Variants in ADAMTS2 observed in about 807,000 individuals in gnomAD.
ADAMTS2 encodes the protein ADAM metallopeptidase with thrombospondin type 1 motif 2.
ADAMTS2 carries 50 observed loss-of-function variants against 123.0 expected under a neutral mutation model. That is an observed-to-expected ratio of 0.41 (90% CI 0.32 to 0.51). The LOEUF is 0.51. Among genes scored for constraint, ADAMTS2 ranks in the 20% least tolerant of loss-of-function variants. The pLI is 0.35. For missense variants in ADAMTS2, 1,494 were observed against 1,705.2 expected, an observed-to-expected ratio of 0.88 and a Z score of 2.18; for synonymous variants, 678 against 695.4, an observed-to-expected ratio of 0.98 and a Z score of 0.39.
At chr5:179,203,882 CAG>C (rs1764620168) in intron 4 of ADAMTS2, among the ~76,000 whole-genome samples, 1 of 135,542 alleles carries the variant, frequency 7.4e-6, no homozygotes, top group Non-Finnish European at 1.6e-5. Flanking sequence ...GAACGGAAAA[CAG>C]AGTCTGGAAC....
In ADAMTS2 at chr5:179,238,791, G is replaced by A. The variant is rs573263446; in HGVS notation, c.689-31076C>T. The stretch of plus-strand genomic sequence containing the variant: ...CTGGGTGCTGACTTCTGAGCTGAAC[G>A]AAGCAGGAGCCACTGTGGGATTTCC... On this transcript the variant is annotated intron_variant, in intron 3 of 21. Coordinates refer to ENST00000251582, the MANE Select transcript of ADAMTS2 (RefSeq NM_014244.5). Among the ~76,000 whole-genome samples the A allele has an allele frequency of 2.0e-3, 299 of 152,208 alleles. 1 individual carries two copies. The highest frequency in any genetic ancestry group is 6.6e-3 in the African/African-American group (275 of 41,512).
At chr5:179,342,954 G>C (rs912270366) in intron 2 of ADAMTS2, among the ~76,000 whole-genome samples, 2 of 152,186 alleles carry the variant, frequency 1.3e-5, no homozygotes, top group African/African-American at 2.4e-5. Flanking sequence ...GTCTCAAAAG[G>C]GATCCCCTAG....
intron 2 of ADAMTS2, among the ~76,000 whole-genome samples, chr5:179,339,376 A>G (rs965872119): frequency 7.9e-5 from 12 of 152,178 alleles, no homozygotes; most frequent in Admixed American, 3.9e-4. Context: ...TCTGAAATGA[A>G]CACTGAGAGG....
intron 4 of ADAMTS2, among the ~76,000 whole-genome samples, chr5:179,198,709 C>T (rs1417552527): frequency 6.6e-6 from 1 of 152,088 alleles, no homozygotes; most frequent in Non-Finnish European, 1.5e-5. Flanking sequence ...CGGCACGTGC[C>T]AGTAGTCCCA....
chr5:179,132,707 C>A lies in ADAMTS2; in HGVS notation c.2209+70G>T. The A allele has an allele frequency of 6.2e-7, 1 of 1,610,194 alleles. No individual in the cohort carries two copies. Among genetic ancestry groups the A allele is most frequent in the Non-Finnish European group, 8.5e-7 (1 of 1,177,228 alleles). On this transcript the variant is annotated intron_variant, in intron 14 of 21. Transcript: ENST00000251582. The surrounding 1 kb of genome is among the most constrained non-coding windows in gnomAD (Gnocchi z 6.1). ...CGGACAGCCCCAGGATGAGTCAGGCCCTCAGCTGTCCGGGCATGAGCCTGC... is the reference window on the plus strand; with the variant it reads ...CGGACAGCCCCAGGATGAGTCAGGCACTCAGCTGTCCGGGCATGAGCCTGC...
intron 3 of ADAMTS2, among the ~76,000 whole-genome samples, chr5:179,231,698 T>C (rs1765415009): frequency 6.6e-6 from 1 of 152,062 alleles, no homozygotes; most frequent in Non-Finnish European, 1.5e-5. Flanking sequence ...CATGGATCAA[T>C]GTCCAAAATT....
intron 18 of ADAMTS2, among the ~76,000 whole-genome samples, chr5:179,125,628 C>G (rs1321701029): frequency 4.6e-5 from 7 of 152,244 alleles, no homozygotes; most frequent in Non-Finnish European, 8.8e-5. Flanking sequence ...CTGTCTTCCC[C>G]ACTGAGGTCC....
intron 2 of ADAMTS2, among the ~76,000 whole-genome samples, chr5:179,333,726 A>G (rs1757538638): frequency 6.6e-6 from 1 of 151,104 alleles, no homozygotes; most frequent in South Asian, 2.1e-4. Flanking sequence ...CAGCCTCCCA[A>G]GTAGCTGGGA....
chr5:179,154,777 G>A, intron 7 of ADAMTS2, 37 bp downstream of exon 7: 1 of 1,523,856 alleles, frequency 6.6e-7, no homozygotes. Context: ...ATCCTAGGGT[G>A]GCCCCTCTGT....
chr5:179,279,833 G>A (rs1766840786), intron 2 of ADAMTS2, among the ~76,000 whole-genome samples: 1 of 152,256 alleles, frequency 6.6e-6, no homozygotes, highest in Admixed American at 6.5e-5. Context: ...CAGCATCCCA[G>A]AGGATTTCAC....
At chr5:179,207,759 C>T (rs777282644) in intron 3 of ADAMTS2, 44 bp from the exon 4 acceptor site, 4 of 1,580,984 alleles carry the variant, frequency 2.5e-6, no homozygotes, top group East Asian at 4.5e-5. Context: ...GCAAACCCAC[C>T]CGGACACAAA....
chr5:179,273,200 C>G, intron 2 of ADAMTS2, 136 bp from the exon 3 acceptor site: 1 of 1,384,464 alleles, frequency 7.2e-7, no homozygotes, highest in South Asian at 1.2e-5. Flanking sequence ...TCAGCTTGAA[C>G]CCTGGGCTGG....
intron 3 of ADAMTS2, among the ~76,000 whole-genome samples, chr5:179,258,844 G>A (rs1766138028): frequency 6.6e-6 from 1 of 152,126 alleles, no homozygotes; most frequent in South Asian, 2.1e-4. Flanking sequence ...TGGGAATACG[G>A]TTCTGCCAGG....
intron 3 of ADAMTS2, among the ~76,000 whole-genome samples, chr5:179,209,956 C>T (rs1348580677): frequency 6.6e-6 from 1 of 152,250 alleles, no homozygotes; most frequent in Non-Finnish European, 1.5e-5. Context: ...AGGGGTCACA[C>T]ACGGGCGGTG....
At chr5:179,337,935 C>T (rs1337779569) in intron 2 of ADAMTS2, among the ~76,000 whole-genome samples, 2 of 151,676 alleles carry the variant, frequency 1.3e-5, no homozygotes, top group African/African-American at 4.9e-5. Flanking sequence ...GGGTGAGGAC[C>T]TGGCCTTCAC....
intron 4 of ADAMTS2, among the ~76,000 whole-genome samples, chr5:179,200,364 T>G (rs1393803946): frequency 6.8e-6 from 1 of 148,010 alleles, no homozygotes; most frequent in Non-Finnish European, 1.5e-5. Context: ...TTCTCCTGCC[T>G]CAGCCTCCCG....
chr5:179,227,043 C>T (rs780541584), intron 3 of ADAMTS2, among the ~76,000 whole-genome samples: 18 of 152,132 alleles, frequency 1.2e-4, no homozygotes, highest in African/African-American at 3.4e-4. Context: ...GTCAGAAAAA[C>T]GAAAACACAG....
intron 3 of ADAMTS2, among the ~76,000 whole-genome samples, chr5:179,236,866 T>G: frequency 6.6e-6 from 1 of 152,200 alleles, no homozygotes; most frequent in East Asian, 1.9e-4. Context: ...TGTTGAAACC[T>G]AATCCCCAGA....
At chr5:179,187,303 G>T (rs1003815471) in intron 4 of ADAMTS2, among the ~76,000 whole-genome samples, 1 of 152,192 alleles carries the variant, frequency 6.6e-6, no homozygotes, top group African/African-American at 2.4e-5. Context: ...GGCCAGGAGG[G>T]TCTGGCCCTG....
Sources: gnomAD v4.1 joint callset for allele counts (sites outside exome capture counted in the v4.1 genomes callset) on GRCh38, gnomAD v4.1.1 for gene constraint, Gnocchi (gnomAD v3.1) non-coding constraint, MANE v1.5 for transcripts, NCBI Gene and HGNC (gene_info 2026-07-23, HGNC 2026-07-21) for gene names.